Variants in FARS2 observed in about 807,000 individuals in gnomAD.
FARS2 encodes the protein phenylalanine--tRNA ligase, mitochondrial.
A neutral mutation model predicts 46.4 loss-of-function variants in FARS2; 40 were observed. The observed-to-expected ratio is 0.86, with a 90% CI of 0.67 to 1.12. The LOEUF is 1.12. Among genes scored for constraint, FARS2 ranks in the 50% most tolerant of loss-of-function variants. FARS2 has a pLI of 0.00. For synonymous variants in FARS2, 234 were observed against 214.9 expected, an observed-to-expected ratio of 1.09 and a Z score of -0.78; for missense variants, 513 against 567.9, an observed-to-expected ratio of 0.90 and a Z score of 0.98.
At chr6:5,556,581 TG>T (rs1031590048) in intron 5 of FARS2, among the ~76,000 whole-genome samples, 42 of 152,140 alleles carry the variant, frequency 2.8e-4, no homozygotes, top group African/African-American at 6.0e-4. Flanking sequence ...CAGAGGTCTA[TG>T]GGCTGATTTT....
At chr6:5,670,394 A>G (rs1328827016) in intron 6 of FARS2, among the ~76,000 whole-genome samples, 1 of 152,188 alleles carries the variant, frequency 6.6e-6, no homozygotes, top group Non-Finnish European at 1.5e-5. Flanking sequence ...TTACTTACTA[A>G]ACTTTTGTGT....
At chr6:5,574,208 T>C (rs1772826857) in intron 5 of FARS2, among the ~76,000 whole-genome samples, 1 of 152,122 alleles carries the variant, frequency 6.6e-6, no homozygotes, top group Admixed American at 6.5e-5. Context: ...CTCGGCTCAC[T>C]GCAGCTCCCG....
Position 5,362,023 on chromosome 6 carries a change from G to T in FARS2, c.-21-6527G>T, listed in dbSNP as rs185827757. ...AGAATGCTTACAGCATTCTGAATGT[G>T]TCCAAAATGAAAAACAAGCAAAATA... On this transcript the variant is annotated intron_variant, in intron 1 of 6. Transcript: ENST00000274680. 4.0e-3 allele frequency among the ~76,000 whole-genome samples: 608 copies of T among 152,222 alleles called. 5 individuals carry two copies. Among genetic ancestry groups the T allele is most frequent in the African/African-American group, 0.014 (572 of 41,540 alleles).
intron 6 of FARS2, among the ~76,000 whole-genome samples, chr6:5,642,704 C>G (rs1195637244): frequency 6.6e-6 from 1 of 152,098 alleles, no homozygotes; most frequent in Non-Finnish European, 1.5e-5. Flanking sequence ...TTCCAGTATT[C>G]GATAAGAGAA....
intron 4 of FARS2, among the ~76,000 whole-genome samples, chr6:5,463,253 T>C (rs1057130252): frequency 5.3e-5 from 8 of 152,248 alleles, no homozygotes; most frequent in African/African-American, 1.9e-4. Flanking sequence ...TAAATTTCAT[T>C]TTCAGATTGT....
intron 2 of FARS2, among the ~76,000 whole-genome samples, chr6:5,401,464 G>A (rs182873455): frequency 4.6e-5 from 7 of 152,034 alleles, no homozygotes; most frequent in Admixed American, 1.3e-4. Context: ...GTTTAGTTAC[G>A]TTATTTCTAC....
At chr6:5,737,423 C>G (rs538727534) in intron 6 of FARS2, among the ~76,000 whole-genome samples, 1 of 152,254 alleles carries the variant, frequency 6.6e-6, no homozygotes, top group East Asian at 1.9e-4. Context: ...CCCAGCTACT[C>G]AAGAGGCTAA....
chr6:5,389,114 G>C (rs1760322710), intron 2 of FARS2, among the ~76,000 whole-genome samples: 1 of 151,962 alleles, frequency 6.6e-6, no homozygotes, highest in African/African-American at 2.4e-5. Flanking sequence ...TTTTCTGTCA[G>C]ATCCTTTCTA....
chr6:5,713,123 T>C (rs1341436398), intron 6 of FARS2, among the ~76,000 whole-genome samples: 1 of 152,254 alleles, frequency 6.6e-6, no homozygotes, highest in Admixed American at 6.5e-5. Flanking sequence ...GCTGCTGATT[T>C]GTGATTTTGT....
chr6:5,465,826 A>G (rs1765482249), intron 4 of FARS2, among the ~76,000 whole-genome samples: 1 of 151,954 alleles, frequency 6.6e-6, no homozygotes, highest in Non-Finnish European at 1.5e-5. Flanking sequence ...TTTAATTTGA[A>G]CTTATATAAC....
chr6:5,683,499 A>C (rs1044796017), intron 6 of FARS2, among the ~76,000 whole-genome samples: 1 of 152,126 alleles, frequency 6.6e-6, no homozygotes, highest in East Asian at 1.9e-4. Flanking sequence ...GGGCAGGAAA[A>C]GGATTTCTAG....
In FARS2 at chr6:5,487,662, C is replaced by T. The variant is rs543330675; in HGVS notation, c.904+56490C>T. On this transcript the variant is annotated intron_variant, in intron 4 of 6. Transcript: ENST00000274680. The stretch of plus-strand genomic sequence containing the variant: ...GGCAGATTCTGTGGTCTCCCCAACA[C>T]GCATGGGTTCTCTTTTTGTCTCTGC... 1.6e-4 allele frequency among the ~76,000 whole-genome samples: 24 copies of T among 152,290 alleles called. No individual in the cohort carries two copies. The South Asian group carries it at 2.7e-3, about 17-fold the overall frequency.
At chr6:5,433,545 A>C (rs1482341408) in intron 4 of FARS2, among the ~76,000 whole-genome samples, 2 of 152,218 alleles carry the variant, frequency 1.3e-5, no homozygotes, top group Non-Finnish European at 2.9e-5. Context: ...TTTACAGGGA[A>C]AAAGAAAAGT....
intron 5 of FARS2, among the ~76,000 whole-genome samples, chr6:5,575,668 C>G (rs570593622): frequency 1.3e-5 from 2 of 152,268 alleles, no homozygotes; most frequent in South Asian, 4.1e-4. Flanking sequence ...CAATTTTATA[C>G]ATGTATTTTG....
At chr6:5,324,003 AC>A (rs1718093467) in intron 1 of FARS2, among the ~76,000 whole-genome samples, 1 of 151,924 alleles carries the variant, frequency 6.6e-6, no homozygotes, top group South Asian at 2.1e-4. Context: ...AGACATTCCA[AC>A]CCTGTCCTAA....
Position 5,475,176 on chromosome 6 carries a change from C to A in FARS2, c.904+44004C>A, listed in dbSNP as rs182521951. ...GGTACTGGGGAAGGTTTTGTGGCAT[C>A]TGACTTAGTCTTTGAAGAGGTTCCC... is the stretch of plus-strand genomic sequence containing the variant. On this transcript the variant is annotated intron_variant, in intron 4 of 6. Transcript: ENST00000274680. 9.0e-3 allele frequency among the ~76,000 whole-genome samples: 1,366 copies of A among 152,282 alleles called. 27 individuals carry two copies. Among genetic ancestry groups the A allele is most frequent in the African/African-American group, 0.031 (1,296 of 41,562 alleles).
At chr6:5,761,928 A>G (rs900943344) in intron 6 of FARS2, among the ~76,000 whole-genome samples, 43 of 152,218 alleles carry the variant, frequency 2.8e-4, no homozygotes, top group African/African-American at 9.9e-4. Flanking sequence ...CATGAGACTC[A>G]TTGCAGCCCC....
At chr6:5,493,365 G>A (rs537973236) in intron 4 of FARS2, among the ~76,000 whole-genome samples, 1 of 152,220 alleles carries the variant, frequency 6.6e-6, no homozygotes, top group African/African-American at 2.4e-5. Context: ...GGGATCACAT[G>A]TCTCTTAGTA....
intron 6 of FARS2, among the ~76,000 whole-genome samples, chr6:5,625,801 G>T (rs1275251883): frequency 6.6e-6 from 1 of 152,180 alleles, no homozygotes; most frequent in Non-Finnish European, 1.5e-5. Context: ...AAGGCTGCCC[G>T]CCTGCCCTGA....
Sources: gnomAD v4.1 joint callset for allele counts (sites outside exome capture counted in the v4.1 genomes callset) on GRCh38, gnomAD v4.1.1 for gene constraint, MANE v1.5 for transcripts, NCBI Gene and HGNC (gene_info 2026-07-23, HGNC 2026-07-21) for gene names.